CALCOCO1: variants seen among roughly 807,000 people sequenced by gnomAD.
The protein encoded by CALCOCO1 is calcium binding and coiled-coil domain 1.
A neutral mutation model predicts 86.3 loss-of-function variants in CALCOCO1; 44 were observed. The ratio of observed to expected loss-of-function variants is 0.51; its 90% CI spans 0.40 to 0.66. The LOEUF is 0.66. Ranked by LOEUF, CALCOCO1 falls within the 30% of genes least tolerant of loss-of-function variation. The pLI is 0.00. For missense variants in CALCOCO1, 708 were observed against 851.1 expected (o/e 0.83, Z 2.09); for synonymous variants, 297 against 327.6 (o/e 0.91, Z 1.01).
intron 7 of CALCOCO1, 55 bp downstream of exon 7, chr12:53,719,684 G>A: frequency 8.0e-7 from 1 of 1,246,356 alleles, no homozygotes; most frequent in South Asian, 1.2e-5. Context: ...CTCTCGAGAG[G>A]GAATCAAACA....
In CALCOCO1 at chr12:53,721,716, C is replaced by T. The variant is rs914189961; in HGVS notation, c.610-101G>A. 13 of 1,404,692 alleles carry T rather than the reference C, an allele frequency of 9.3e-6. No individual in the cohort carries two copies. The African/African-American group carries it at 1.7e-4, about 19-fold the overall frequency. 87.0% of individuals were successfully genotyped at this position (1,404,692 alleles called of 1,614,324 possible). ...GAGCACACCAGGGTCTGACTGCTTC[C>T]ACCTGGCTATCACATTGCCTTCCTT... On this transcript the variant is annotated intron_variant, in intron 5 of 14. Coordinates refer to ENST00000550804, the MANE Select transcript of CALCOCO1 (RefSeq NM_020898.3).
chr12:53,712,452 G>T, intron 14 of CALCOCO1: 1 of 269,016 alleles, frequency 3.7e-6, no homozygotes, highest in South Asian at 5.4e-5. Flanking sequence ...TGCTCCAGCC[G>T]AGAAGGATGA....
chr12:53,726,986 G>T (rs12321263), intron 1 of CALCOCO1, among the ~76,000 whole-genome samples: 1 of 152,126 alleles, frequency 6.6e-6, no homozygotes, highest in East Asian at 1.9e-4. Flanking sequence ...CTACTCTGTA[G>T]GGCTCTAGAG....
Position 53,713,216 on chromosome 12 carries a change from A to T in CALCOCO1, c.1792-10T>A. ...TCTCATCTTCAGCCTCCTGGATGCC[A>T]AAGAGACAGGGTTGGGCTTTGGGGT... On this transcript the variant is annotated splice_polypyrimidine_tract_variant and intron_variant, in intron 13 of 14. Transcript: ENST00000550804. 1 of 1,611,844 alleles carries T rather than the reference A, an allele frequency of 6.2e-7. No individual in the cohort carries two copies. Among genetic ancestry groups the T allele is most frequent in the Non-Finnish European group, 8.5e-7 (1 of 1,178,204 alleles).
In CALCOCO1 at chr12:53,722,005, C is replaced by G; in HGVS notation, c.609+20G>C. On this transcript the variant is annotated intron_variant, in intron 5 of 14. Coordinates refer to ENST00000550804, the MANE Select transcript of CALCOCO1 (RefSeq NM_020898.3). ...TGGGTGAGCAGCCAGGCCCTGTCCC[C>G]TACCTGGCCCAGCTCCCACCTTGTA... 1 of 1,611,618 alleles carries G rather than the reference C, an allele frequency of 6.2e-7. No homozygotes were observed. The highest frequency in any genetic ancestry group is 8.5e-7 in the Non-Finnish European group (1 of 1,179,956).
At position 53,715,879 on chromosome 12, in the gene CALCOCO1, C is replaced by A; in HGVS notation, c.1174G>T (p.Gly392Cys). The part of the protein sequence containing the change: ...RSRLEVAEVN[G>C]RLAELGLHLK... ...TGCAAACCGAGCTCAGCCAGCCTGC[C>A]GTTAACTTCAGCCACTTCCAGGCGG... is the stretch of plus-strand genomic sequence containing the variant. Residue 392 changes from glycine (G) to cysteine (C), a missense_variant, in exon 9 of 15, where the codon GGC becomes TGC. By Grantham distance (159) the Gly-to-Cys change is radical. Coordinates refer to ENST00000550804, the MANE Select transcript of CALCOCO1 (RefSeq NM_020898.3). 6.2e-7 allele frequency: 1 copy of A among 1,614,182 alleles called. No homozygotes were observed. The highest frequency in any genetic ancestry group is 1.1e-5 in the South Asian group (1 of 91,084).
chr12:53,712,835 C>CA, intron 14 of CALCOCO1: 1 of 1,436,504 alleles, frequency 7.0e-7, no homozygotes. Flanking sequence ...TTGGGCTCTG[C>CA]AGAAGATGGT....
chr12:53,725,305 T>G, intron 1 of CALCOCO1, 39 bp from the exon 2 acceptor site: 3 of 1,368,350 alleles, frequency 2.2e-6, no homozygotes, highest in Non-Finnish European at 3.0e-6. Context: ...GTCTTTCCAG[T>G]CCACCTCCTT....
chr12:53,727,116 G>A (rs1409661591), intron 1 of CALCOCO1, among the ~76,000 whole-genome samples: 1 of 152,028 alleles, frequency 6.6e-6, no homozygotes, highest in Non-Finnish European at 1.5e-5. Flanking sequence ...GTCTTGCCTG[G>A]GAGCGAATAA....
At chr12:53,714,393 C>A in intron 11 of CALCOCO1, 152 bp from the exon 12 acceptor site, 1 of 683,654 alleles carries the variant, frequency 1.5e-6, no homozygotes. Flanking sequence ...ACACTCCCCC[C>A]AGCACCCCTG....
intron 4 of CALCOCO1, chr12:53,722,959 A>AAAAAAAAAAAAAAAAAAAAAAAAAAC: frequency 2.6e-6 from 1 of 381,862 alleles, no homozygotes. Flanking sequence ...AAAAAAAAAA[A>AAAAAAAAAAAAAAAAAAAAAAAAAAC]AAGAAAAGAA....
chr12:53,712,889 G>A (rs1945608968), intron 14 of CALCOCO1: 3 of 1,456,492 alleles, frequency 2.1e-6, no homozygotes, highest in Admixed American at 2.0e-5. Context: ...ACCTCTGAGT[G>A]CATTGATAAG....
At chr12:53,716,455 T>C (rs1285144514) in intron 7 of CALCOCO1, 40 bp from the exon 8 acceptor site, 5 of 1,611,922 alleles carry the variant, frequency 3.1e-6, no homozygotes, top group Admixed American at 3.3e-5. Context: ...GGGGTATGTG[T>C]GTTGGGGTGG....
rs184210420 is a variant in CALCOCO1, at chr12:53,709,086, C to G, written c.*2858G>C. 6.6e-6 allele frequency: 1 copy of G among 152,152 alleles called. No homozygotes were observed. The highest frequency in any genetic ancestry group is 2.4e-5 in the African/African-American group (1 of 41,418). The allele number at this position is 152,152 out of a possible 1,614,324, so 9.4% of individuals were successfully genotyped here. ...TCGTTCTTTCACCACCAAATACTGA[C>G]GCGAGTTCCTATTTGCTGCTACTTG... On this transcript the variant is annotated 3_prime_UTR_variant, in exon 15 of 15. Coordinates refer to ENST00000550804, the MANE Select transcript of CALCOCO1 (RefSeq NM_020898.3).
chr12:53,725,731 T>A (rs1280362552), intron 1 of CALCOCO1: 2 of 152,290 alleles, frequency 1.3e-5, no homozygotes, highest in Non-Finnish European at 2.9e-5. Flanking sequence ...CAGGAATGAG[T>A]TATGACATCA....
In CALCOCO1 at chr12:53,711,388, G is replaced by A. The variant is rs1289951280; in HGVS notation, c.*556C>T. ...ACCTAAGGTTATGGAAAAGGCTAGG[G>A]TGGGGCACAGAAGTCAATGGGGGAA... is the stretch of plus-strand genomic sequence containing the variant. On this transcript the variant is annotated 3_prime_UTR_variant, in exon 15 of 15. Transcript: ENST00000550804. 2.6e-6 allele frequency: 1 copy of A among 388,874 alleles called. No homozygotes were observed. The allele number at this position is 388,874 out of a possible 1,614,324, so 24.1% of individuals were successfully genotyped here.
At chr12:53,718,218 T>C (rs747801827) in intron 7 of CALCOCO1, among the ~76,000 whole-genome samples, 1 of 152,180 alleles carries the variant, frequency 6.6e-6, no homozygotes, top group Non-Finnish European at 1.5e-5. Context: ...TTGCACCTAC[T>C]TGTGTGTGAC....
Position 53,710,199 on chromosome 12 carries a change from G to A in CALCOCO1, c.*1745C>T, listed in dbSNP as rs1163507508. On this transcript the variant is annotated 3_prime_UTR_variant, in exon 15 of 15. Coordinates refer to ENST00000550804, the MANE Select transcript of CALCOCO1 (RefSeq NM_020898.3). ...CAATAAAGAGGGGTTGGGATGGAGA[G>A]AGGAGAGATCCATTATCTCTAATTT... is the stretch of plus-strand genomic sequence containing the variant. 6.6e-6 allele frequency: 1 copy of A among 152,236 alleles called. No homozygotes were observed. Among genetic ancestry groups the A allele is most frequent in the Non-Finnish European group, 1.5e-5 (1 of 68,044 alleles). The allele number at this position is 152,236 out of a possible 1,614,324, so 9.4% of individuals were successfully genotyped here.
chr12:53,715,450 C>G (rs1477984992), intron 9 of CALCOCO1, 125 bp from the exon 10 acceptor site: 2 of 1,284,732 alleles, frequency 1.6e-6, no homozygotes, highest in Non-Finnish European at 1.1e-6. Context: ...AGAGCACTTT[C>G]CCCTTTTTGC....
Sources: allele counts gnomAD v4.1 joint callset (sites outside exome capture counted in the v4.1 genomes callset), GRCh38; gene constraint gnomAD v4.1.1; transcripts MANE v1.5; gene names NCBI Gene and HGNC (gene_info 2026-07-23, HGNC 2026-07-21).